The following JAZF1 variants were observed in gnomAD, a reference collection of about 807,000 sequenced individuals.
The protein encoded by JAZF1 is juxtaposed with another zinc finger protein 1.
A neutral mutation model predicts 26.4 loss-of-function variants in JAZF1; 8 were observed. The observed-to-expected ratio is 0.30, with a 90% CI of 0.18 to 0.55. The LOEUF is 0.55. Ranked by LOEUF, JAZF1 falls within the 20% of genes least tolerant of loss-of-function variation. The probability of loss-of-function intolerance (pLI) is 0.94; values close to 1 mark genes in which losing one functional copy is unlikely to be tolerated. For missense variants in JAZF1, 199 were observed against 322.0 expected, an observed-to-expected ratio of 0.62 and a Z score of 2.92; for synonymous variants, 126 against 122.3, an observed-to-expected ratio of 1.03 and a Z score of -0.20.
At chr7:28,103,843 C>T (rs1239934358) in intron 1 of JAZF1, among the ~76,000 whole-genome samples, 5 of 152,156 alleles carry the variant, frequency 3.3e-5, no homozygotes, top group African/African-American at 1.2e-4. Context: ...CCAGTCTACT[C>T]GAGACACTGC....
intron 3 of JAZF1, among the ~76,000 whole-genome samples, chr7:27,891,677 A>C (rs956216421): frequency 1.3e-5 from 2 of 152,100 alleles, no homozygotes; most frequent in Non-Finnish European, 2.9e-5. Flanking sequence ...AAAAGTCAAA[A>C]AATTAAGTGG....
intron 2 of JAZF1, among the ~76,000 whole-genome samples, chr7:27,990,831 A>G (rs1232677992): frequency 1.3e-5 from 2 of 152,216 alleles, no homozygotes; most frequent in East Asian, 1.9e-4. Context: ...AAGGCGTTCT[A>G]TTTAACACAT....
chr7:27,913,006 C>G (rs916530328), intron 2 of JAZF1, among the ~76,000 whole-genome samples: 1 of 152,016 alleles, frequency 6.6e-6, no homozygotes, highest in Non-Finnish European at 1.5e-5. Flanking sequence ...ATCGCTCCCT[C>G]GGAGAACATG....
chr7:27,852,696 A>G (rs925400427), intron 3 of JAZF1, among the ~76,000 whole-genome samples: 2 of 152,312 alleles, frequency 1.3e-5, no homozygotes, highest in East Asian at 1.9e-4. Flanking sequence ...GAAAATATCT[A>G]TATTTTATAA....
intron 1 of JAZF1, among the ~76,000 whole-genome samples, chr7:28,042,271 G>A (rs1783406300): frequency 6.6e-6 from 1 of 152,176 alleles, no homozygotes; most frequent in Admixed American, 6.6e-5. Context: ...TGTGGGGAGG[G>A]AAGGGGAGAC....
intron 1 of JAZF1, among the ~76,000 whole-genome samples, chr7:28,154,473 TGATGTTCTG>T (rs1783151537): frequency 6.6e-6 from 1 of 152,206 alleles, no homozygotes; most frequent in Non-Finnish European, 1.5e-5. Flanking sequence ...TCCAATAGTC[TGATGTTCTG>T]GAGTGAGTGC....
intron 1 of JAZF1, among the ~76,000 whole-genome samples, chr7:28,142,315 T>C (rs945774400): frequency 2.0e-5 from 3 of 152,268 alleles, no homozygotes; most frequent in South Asian, 2.1e-4. Flanking sequence ...CATATGCACA[T>C]GCAACAATTC....
intron 2 of JAZF1, among the ~76,000 whole-genome samples, chr7:27,925,753 G>A (rs1315893932): frequency 2.0e-5 from 3 of 152,190 alleles, no homozygotes; most frequent in Non-Finnish European, 4.4e-5. Flanking sequence ...TGGATGTTGT[G>A]TATTATGTGT....
chr7:28,163,121 G>C (rs1395293821), intron 1 of JAZF1, among the ~76,000 whole-genome samples: 1 of 152,160 alleles, frequency 6.6e-6, no homozygotes, highest in Admixed American at 6.5e-5. Flanking sequence ...AGCATTATCA[G>C]CTCATGGTCA....
intron 1 of JAZF1, among the ~76,000 whole-genome samples, chr7:28,179,940 C>T (rs1452786157): frequency 5.2e-5 from 7 of 134,992 alleles, no homozygotes; most frequent in Middle Eastern, 4.3e-3. Flanking sequence ...CTCCCCGCGG[C>T]TGCAGCCGCC....
intron 2 of JAZF1, among the ~76,000 whole-genome samples, chr7:27,969,701 A>G (rs1050470958): frequency 6.6e-6 from 1 of 152,206 alleles, no homozygotes; most frequent in Non-Finnish European, 1.5e-5. Context: ...TCAATTATTC[A>G]AGTCTGGTAA....
chr7:27,947,670 C>T (rs2128353975), intron 2 of JAZF1, among the ~76,000 whole-genome samples: 1 of 152,126 alleles, frequency 6.6e-6, no homozygotes, highest in Non-Finnish European at 1.5e-5. Context: ...CCTGTTTTTC[C>T]TCCCTTCTCC....
chr7:27,899,983 G>T (rs541293402), intron 2 of JAZF1, among the ~76,000 whole-genome samples: 1 of 152,226 alleles, frequency 6.6e-6, no homozygotes, highest in South Asian at 2.1e-4. Flanking sequence ...CATGGGGGCA[G>T]TGGGCAGCTG....
At chr7:28,050,265 A>G (rs1030090467) in intron 1 of JAZF1, among the ~76,000 whole-genome samples, 1 of 152,176 alleles carries the variant, frequency 6.6e-6, no homozygotes, top group African/African-American at 2.4e-5. Flanking sequence ...ATATATTTCT[A>G]TTTTTATTAT....
intron 2 of JAZF1, among the ~76,000 whole-genome samples, chr7:27,979,405 T>TTTTTTTTTTTTTTTTTTC: frequency 1.2e-5 from 1 of 84,248 alleles, no homozygotes; most frequent in East Asian, 4.1e-4. Context: ...TTTTTTTTTT[T>TTTTTTTTTTTTTTTTTTC]AGAAACAGAG....
chr7:28,177,656 C>G (rs1257368798), intron 1 of JAZF1, among the ~76,000 whole-genome samples: 1 of 152,090 alleles, frequency 6.6e-6, no homozygotes, highest in East Asian at 1.9e-4. Context: ...AAATAACACA[C>G]CTCTTATTCT....
intron 2 of JAZF1, among the ~76,000 whole-genome samples, chr7:27,984,425 C>A (rs1055460911): frequency 6.6e-6 from 1 of 152,134 alleles, no homozygotes; most frequent in African/African-American, 2.4e-5. Flanking sequence ...ATATAGGCAC[C>A]CAATACAGGA....
intron 1 of JAZF1, among the ~76,000 whole-genome samples, chr7:28,102,133 C>T (rs1007511658): frequency 6.6e-6 from 1 of 152,186 alleles, no homozygotes; most frequent in African/African-American, 2.4e-5. Flanking sequence ...AGGGACAATG[C>T]AGAGGCAGGC....
chr7:28,020,717 C>T (rs1449852552), intron 1 of JAZF1: 2 of 471,056 alleles, frequency 4.2e-6, no homozygotes, highest in African/African-American at 2.0e-5. Flanking sequence ...TGGCATTTGT[C>T]CCTCCCAACT....
Sources: gnomAD v4.1 joint callset for allele counts (sites outside exome capture counted in the v4.1 genomes callset) on GRCh38, gnomAD v4.1.1 for gene constraint, MANE v1.5 for transcripts, NCBI Gene and HGNC (gene_info 2026-07-23, HGNC 2026-07-21) for gene names.